The following RNF40 variants were observed in gnomAD, a reference collection of about 807,000 sequenced individuals.
The protein encoded by RNF40 is E3 ubiquitin-protein ligase BRE1B.
A neutral mutation model predicts 123.3 loss-of-function variants in RNF40; 39 were observed. The observed-to-expected ratio is 0.32, with a 90% CI of 0.24 to 0.41. RNF40 has a LOEUF of 0.41. Among genes scored for constraint, RNF40 ranks in the 10% least tolerant of loss-of-function variants. The pLI is 1.00. For missense variants in RNF40, 1,003 were observed against 1,319.9 expected (o/e 0.76, Z 3.72); for synonymous variants, 538 against 526.0 (o/e 1.02, Z -0.31).
chr16:30,768,298 G>A lies in RNF40; in HGVS notation c.1747G>A (p.Val583Ile). 1 of 1,613,914 alleles carries A rather than the reference G, an allele frequency of 6.2e-7. No homozygotes were observed. Among genetic ancestry groups the A allele is most frequent in the East Asian group, 2.2e-5 (1 of 44,864 alleles). ...CACTTCAGTGAAGAAGGAGGAGCTG[G>A]TCCCCTCTGAAGAGGACTTCCAGGG... is the stretch of plus-strand genomic sequence containing the variant. Reference protein sequence around the residue: ...TTTSVKKEELVPSEEDFQGIT... With the variant: ...TTTSVKKEELIPSEEDFQGIT... The change falls in exon 13 of 20, where the codon GTC becomes ATC. Residue 583 changes from valine (V) to isoleucine (I), a missense_variant. Val to Ile is a conservative substitution (Grantham distance 29). Coordinates refer to ENST00000324685, the MANE Select transcript of RNF40 (RefSeq NM_014771.4). This position sits in a 1 kb window ranked among gnomAD's most constrained non-coding sequence, Gnocchi z 4.1.
intron 17 of RNF40, among the ~76,000 whole-genome samples, chr16:30,771,337 G>T (rs1030098565): frequency 4.6e-5 from 7 of 152,086 alleles, no homozygotes; most frequent in Non-Finnish European, 1.0e-4. Flanking sequence ...CAGACAGCAG[G>T]CCAGGCGTGG....
chr16:30,772,289 G>T, intron 19 of RNF40, 99 bp downstream of exon 19: 1 of 977,218 alleles, frequency 1.0e-6, no homozygotes, highest in East Asian at 2.6e-5. Flanking sequence ...AAGTAATGTA[G>T]GGCAGCAGAA....
chr16:30,763,550 G>C lies in RNF40; in HGVS notation c.433G>C (p.Glu145Gln), dbSNP rs761879515. The change falls in exon 4 of 20, where the codon GAG becomes CAG. Residue 145 changes from glutamate (E) to glutamine (Q), a missense_variant. By Grantham distance (29) the Glu-to-Gln change is conservative. Coordinates refer to ENST00000324685, the MANE Select transcript of RNF40 (RefSeq NM_014771.4). ...GTPLPEPGTS[E>Q]LRDPLLMQLR... ...TCCTCTCCCAGAGCCGGGGACATCAGAGCTGAGAGGTAGGACCAGAGTGCT... is the reference window on the plus strand; with the variant it reads ...TCCTCTCCCAGAGCCGGGGACATCACAGCTGAGAGGTAGGACCAGAGTGCT... 1 of 1,614,098 alleles carries C rather than the reference G, an allele frequency of 6.2e-7. No homozygotes were observed. Among genetic ancestry groups the C allele is most frequent in the African/African-American group, 1.3e-5 (1 of 75,072 alleles).
rs1221512916 is a variant in RNF40 at position 30,771,899 on chromosome 16, C to T, written c.2653C>T (p.Arg885Trp). Residue 885 changes from arginine to tryptophan, a missense_variant, in exon 18 of 20, where the codon CGG becomes TGG. Transcript: ENST00000324685. ...VQLEHVQTRL[R>W]EIQPCLAESR... ...GCTGGAGCACGTGCAGACTCGGCTG[C>T]GGGAGATCCAGCCCTGCCTGGCAGA... 9.9e-6 allele frequency: 16 copies of T among 1,609,460 alleles called. No homozygotes were observed. Among genetic ancestry groups the T allele is most frequent in the Non-Finnish European group, 1.3e-5 (15 of 1,177,338 alleles).
chr16:30,767,882 A>T lies in RNF40; in HGVS notation c.1430-12A>T. On this transcript the variant is annotated splice_polypyrimidine_tract_variant and intron_variant, in intron 11 of 19. Transcript: ENST00000324685. ...CTGGTTCTGACACCTTTACTTGCTG[A>T]TGCTCCTCCAGGGCCCATCAACCGT... 1.2e-6 allele frequency: 2 copies of T among 1,614,138 alleles called. No homozygotes were observed. Among genetic ancestry groups the T allele is most frequent in the Non-Finnish European group, 1.7e-6 (2 of 1,180,042 alleles).
At position 30,775,025 on chromosome 16, in the gene RNF40, G is replaced by A. The variant is rs776222253; in HGVS notation, c.*911G>A. On this transcript the variant is annotated 3_prime_UTR_variant, in exon 20 of 20. Transcript: ENST00000324685. ...CCTGACACCCTGTGACTGAGCCTGT[G>A]TCCTGTCTGCCTGCCCAGCCATGCT... is the stretch of plus-strand genomic sequence containing the variant. The A allele has an allele frequency of 2.0e-5, 9 of 456,538 alleles. No homozygotes were observed. The highest frequency in any genetic ancestry group is 1.4e-4 in the South Asian group (9 of 64,566). 28.3% of individuals were successfully genotyped at this position (456,538 alleles called of 1,614,324 possible). A position where few individuals can be genotyped will look rare whatever the true frequency, so the allele number is the denominator to read the frequency against.
Position 30,762,468 on chromosome 16 carries a change from T to G in RNF40, c.-71-7T>G, listed in dbSNP as rs2053873140. 2.8e-6 allele frequency: 4 copies of G among 1,426,912 alleles called. No homozygotes were observed. The highest frequency in any genetic ancestry group is 3.7e-6 in the Non-Finnish European group (4 of 1,076,190). 88.4% of individuals were successfully genotyped at this position (1,426,912 alleles called of 1,614,324 possible). ...GTTCCCACATCTCTGCTCTGTGTCT[T>G]CTGCAGGTGACGGAAGTACCGCCTC... is the stretch of plus-strand genomic sequence containing the variant. On this transcript the variant is annotated splice_polypyrimidine_tract_variant and splice_region_variant and intron_variant, in intron 1 of 19. Transcript: ENST00000324685.
Position 30,768,291 on chromosome 16 carries a change from G to A in RNF40, c.1740G>A (p.Glu580=). Residue 580 remains glutamate (E), a synonymous_variant, in exon 13 of 20, where the codon GAG becomes GAA. Transcript: ENST00000324685. This position sits in a 1 kb window ranked among gnomAD's most constrained non-coding sequence, Gnocchi z 4.1. The part of the protein sequence containing the change: ...TTTTTTSVKK[E]ELVPSEEDFQ... ...CTACTACCACTTCAGTGAAGAAGGAGGAGCTGGTCCCCTCTGAAGAGGACT... is the reference window on the plus strand; with the variant it reads ...CTACTACCACTTCAGTGAAGAAGGAAGAGCTGGTCCCCTCTGAAGAGGACT... 3 of 1,614,048 alleles carry A rather than the reference G, an allele frequency of 1.9e-6. No homozygotes were observed. The highest frequency in any genetic ancestry group is 1.6e-4 in the Middle Eastern group (1 of 6,062).
intron 19 of RNF40, among the ~76,000 whole-genome samples, chr16:30,773,036 T>C (rs534475966): frequency 6.6e-6 from 1 of 152,018 alleles, no homozygotes; most frequent in South Asian, 2.1e-4. Flanking sequence ...ATTTAGGGGG[T>C]TAGGAGGCCT....
In RNF40 at chr16:30,772,014, G is replaced by C. The variant is rs2054156507; in HGVS notation, c.2727+41G>C. Reference sequence around the variant, plus strand: ...AGGGGCCAGGCCAGGGTGGTCCACGGTCACGGACCTATCCTGGGGGCAAGC... The same window carrying C: ...AGGGGCCAGGCCAGGGTGGTCCACGCTCACGGACCTATCCTGGGGGCAAGC... On this transcript the variant is annotated intron_variant, in intron 18 of 19. Transcript: ENST00000324685. The C allele has an allele frequency of 3.1e-6, 5 of 1,587,486 alleles. No individual in the cohort carries two copies. In the South Asian group the frequency reaches 5.7e-5, roughly 18 times the overall value.
At position 30,762,585 on chromosome 16, in the gene RNF40, G is replaced by T; in HGVS notation, c.40G>T (p.Gly14Cys). ...CAACAAACGCGCCGCCGGCGACGGGGGCTCAGGGCCCCCGGAAAAGAAGCT... is the reference window on the plus strand; with the variant it reads ...CAACAAACGCGCCGCCGGCGACGGGTGCTCAGGGCCCCCGGAAAAGAAGCT... ...PGNKRAAGDGGSGPPEKKLSR... is the reference protein window; with the variant it reads ...PGNKRAAGDGCSGPPEKKLSR... The change falls in exon 2 of 20, where the codon GGC becomes TGC. Residue 14 changes from glycine to cysteine, a missense_variant. Gly to Cys is a radical substitution (Grantham distance 159, BLOSUM62 -3). Around this residue, in one of 11 missense-constraint regions of RNF40, gnomAD observed 51 missense variants for 56.2 expected, o/e 0.91. Coordinates refer to ENST00000324685, the MANE Select transcript of RNF40 (RefSeq NM_014771.4). 6.2e-7 allele frequency: 1 copy of T among 1,604,060 alleles called. No individual in the cohort carries two copies. The highest frequency in any genetic ancestry group is 8.5e-7 in the Non-Finnish European group (1 of 1,177,954).
At chr16:30,764,046 T>G in intron 4 of RNF40, 133 bp from the exon 5 acceptor site, 3 of 679,748 alleles carry the variant, frequency 4.4e-6, no homozygotes, top group Non-Finnish European at 7.3e-6. Flanking sequence ...ACTTTCAGGA[T>G]GGAGATAATA....
chr16:30,775,147 G>C lies in RNF40; in HGVS notation c.*1033G>C. On this transcript the variant is annotated 3_prime_UTR_variant, in exon 20 of 20. Coordinates refer to ENST00000324685, the MANE Select transcript of RNF40 (RefSeq NM_014771.4). ...CCTCTGTTCTAGAGATGCTTGTATA[G>C]GCTGTTAATTGTGATGAATAAACGT... 1 of 400,722 alleles carries C rather than the reference G, an allele frequency of 2.5e-6. No individual in the cohort carries two copies. Among genetic ancestry groups the C allele is most frequent in the Non-Finnish European group, 5.0e-6 (1 of 201,570 alleles). The allele number at this position is 400,722 out of a possible 1,614,324, so 24.8% of individuals were successfully genotyped here.
At chr16:30,767,594 C>A in intron 11 of RNF40, 1 of 269,632 alleles carries the variant, frequency 3.7e-6, no homozygotes, top group Non-Finnish European at 7.1e-6. Flanking sequence ...CACTTGAGGC[C>A]AGGAATTTGA....
intron 6 of RNF40, 50 bp from the exon 7 acceptor site, chr16:30,765,131 C>G (rs968388902): frequency 6.2e-7 from 1 of 1,611,742 alleles, no homozygotes; most frequent in East Asian, 2.2e-5. Context: ...ACTCAGGGAC[C>G]TCAGGAACCA....
At chr16:30,761,882 C>T, upstream of RNF40, 1 of 898,842 alleles carries the variant, frequency 1.1e-6, no homozygotes, top group South Asian at 1.8e-5. Context: ...CGGAGAGGCG[C>T]GGCGGGGCGA....
At chr16:30,773,387 A>G (rs1004448470) in intron 19 of RNF40, 1 of 155,748 alleles carries the variant, frequency 6.4e-6, no homozygotes, top group African/African-American at 2.4e-5. Flanking sequence ...CTGGAGGAGC[A>G]CTGTTGGGGG....
chr16:30,761,658 C>G, upstream of RNF40: 2 of 1,535,956 alleles, frequency 1.3e-6, no homozygotes, highest in Non-Finnish European at 1.7e-6. Flanking sequence ...GAGCTGCGAT[C>G]CTTCCCCGCT....
chr16:30,762,640 T>C lies in RNF40; in HGVS notation c.95T>C (p.Leu32Pro). The C allele has an allele frequency of 6.2e-7, 1 of 1,612,694 alleles. No individual in the cohort carries two copies. Among genetic ancestry groups the C allele is most frequent in the Non-Finnish European group, 8.5e-7 (1 of 1,179,678 alleles). ...LSREEKTTTTLIEPIRLGGIS... is the reference protein window; with the variant it reads ...LSREEKTTTTPIEPIRLGGIS... ...CGTGAGGAGAAGACCACCACGACTCTTATCGAGCCCATTCGTCTTGGAGGC... is the reference window on the plus strand; with the variant it reads ...CGTGAGGAGAAGACCACCACGACTCCTATCGAGCCCATTCGTCTTGGAGGC... Residue 32 changes from leucine to proline, a missense_variant, in exon 2 of 20, where the codon CTT becomes CCT. Leu to Pro is a moderately conservative substitution (Grantham distance 98). Around this residue, in one of 11 missense-constraint regions of RNF40, gnomAD observed 51 missense variants for 56.2 expected, o/e 0.91. Coordinates refer to ENST00000324685, the MANE Select transcript of RNF40 (RefSeq NM_014771.4).
Sources: gnomAD v4.1 joint callset for allele counts (sites outside exome capture counted in the v4.1 genomes callset) on GRCh38, gnomAD v4.1.1 for gene constraint, gnomAD v4.1.1 regional missense constraint, Gnocchi (gnomAD v3.1) non-coding constraint, MANE v1.5 for transcripts, NCBI Gene and HGNC (gene_info 2026-07-23, HGNC 2026-07-21) for gene names.